Variants in MIPOL1 observed in about 807,000 individuals in gnomAD.
MIPOL1 encodes mirror-image polydactyly 1, also known as mirror-image polydactyly gene 1 protein.
Under a neutral mutation model 60.9 loss-of-function variants are expected in MIPOL1, and 57 were observed. The observed-to-expected ratio is 0.94, with a 90% CI of 0.76 to 1.17. The LOEUF (loss-of-function observed/expected upper bound fraction) is 1.17. Among genes scored for constraint, MIPOL1 ranks in the 50% most tolerant of loss-of-function variants. The probability of loss-of-function intolerance (pLI) is 0.00; values close to 1 mark genes in which losing one functional copy is unlikely to be tolerated. For synonymous variants in MIPOL1, 179 were observed against 168.8 expected, an observed-to-expected ratio of 1.06 and a Z score of -0.47; for missense variants, 551 against 511.6, an observed-to-expected ratio of 1.08 and a Z score of -0.74.
At chr14:37,423,020 A>G (rs896094014) in intron 11 of MIPOL1, 71 bp downstream of exon 11, 14 of 927,250 alleles carry the variant, frequency 1.5e-5, no homozygotes, top group African/African-American at 1.0e-4. Context: ...TGATTTTACA[A>G]TAGTGAATGA....
chr14:37,521,260 A>G (rs1052717566), intron 12 of MIPOL1, among the ~76,000 whole-genome samples: 20 of 152,136 alleles, frequency 1.3e-4, no homozygotes, highest in African/African-American at 4.6e-4. Flanking sequence ...AAATAAAACA[A>G]TAGAGCCTCT....
intron 9 of MIPOL1, among the ~76,000 whole-genome samples, chr14:37,341,489 A>G (rs2090569928): frequency 6.6e-6 from 1 of 152,234 alleles, no homozygotes. Context: ...TTAAAAGGTA[A>G]TAATTCTGTA....
intron 7 of MIPOL1, among the ~76,000 whole-genome samples, chr14:37,286,338 C>T (rs2084563549): frequency 6.6e-6 from 1 of 152,174 alleles, no homozygotes; most frequent in Non-Finnish European, 1.5e-5. Flanking sequence ...AATCTGACCA[C>T]TTGGGAGATC....
At chr14:37,250,446 C>T (rs1973901787) in intron 3 of MIPOL1, among the ~76,000 whole-genome samples, 1 of 152,068 alleles carries the variant, frequency 6.6e-6, no homozygotes, top group Non-Finnish European at 1.5e-5. Flanking sequence ...ACTCGGTAGT[C>T]TGAGGCAGGA....
Position 37,479,242 on chromosome 14 carries a change from C to T in MIPOL1, c.1032-20666C>T, listed in dbSNP as rs1191200422. Among the ~76,000 whole-genome samples, 3 of 152,120 alleles carry T rather than the reference C, an allele frequency of 2.0e-5. No individual in the cohort carries two copies. In the East Asian group the frequency reaches 5.8e-4, roughly 29 times the overall value. The stretch of plus-strand genomic sequence containing the variant: ...CATTCAGTCCAACAGGAACACAATA[C>T]ACATTCTTCTCAAGCACACATGGAA... On this transcript the variant is annotated intron_variant, in intron 11 of 12. Coordinates refer to ENST00000684589, the MANE Select transcript of MIPOL1 (RefSeq NM_001388067.1).
At chr14:37,423,216 T>C (rs2093906742) in intron 11 of MIPOL1, among the ~76,000 whole-genome samples, 1 of 151,564 alleles carries the variant, frequency 6.6e-6, no homozygotes, top group Non-Finnish European at 1.5e-5. Context: ...GAAGCCTGGA[T>C]AGCTGTTGAG....
intron 10 of MIPOL1, among the ~76,000 whole-genome samples, chr14:37,417,419 C>T (rs1248165409): frequency 1.3e-5 from 2 of 152,114 alleles, no homozygotes; most frequent in Non-Finnish European, 2.9e-5. Flanking sequence ...GACATGACAT[C>T]AGGACAAAAT....
At chr14:37,542,534 C>G (rs988808380) in intron 12 of MIPOL1, among the ~76,000 whole-genome samples, 1 of 152,042 alleles carries the variant, frequency 6.6e-6, no homozygotes, top group Non-Finnish European at 1.5e-5. Context: ...CTTTTTATAC[C>G]TGTGTGTTAT....
chr14:37,455,120 T>C (rs985840832), intron 11 of MIPOL1, among the ~76,000 whole-genome samples: 3 of 152,210 alleles, frequency 2.0e-5, no homozygotes, highest in African/African-American at 7.2e-5. Flanking sequence ...TGATATTTCA[T>C]GGTAAACCCA....
At chr14:37,440,496 A>G (rs2094225133) in intron 11 of MIPOL1, among the ~76,000 whole-genome samples, 1 of 151,936 alleles carries the variant, frequency 6.6e-6, no homozygotes, top group Non-Finnish European at 1.5e-5. Context: ...CACATTTTTT[A>G]GCACCCAGTT....
intron 11 of MIPOL1, among the ~76,000 whole-genome samples, chr14:37,437,416 T>A (rs951886724): frequency 9.2e-5 from 14 of 152,114 alleles, no homozygotes; most frequent in African/African-American, 3.4e-4. Context: ...AAAATAAAAA[T>A]TTTTGAAAAT....
intron 1 of MIPOL1, among the ~76,000 whole-genome samples, chr14:37,209,785 C>G (rs1279427036): frequency 6.6e-6 from 1 of 152,054 alleles, no homozygotes; most frequent in Non-Finnish European, 1.5e-5. Context: ...CTCACTGCAG[C>G]CTTGACCTCC....
At chr14:37,313,537 A>G (rs1050414831) in intron 9 of MIPOL1, among the ~76,000 whole-genome samples, 10 of 152,140 alleles carry the variant, frequency 6.6e-5, no homozygotes, top group African/African-American at 2.2e-4. Context: ...TGAATAAGTC[A>G]GGTATGAGAA....
chr14:37,200,665 T>TTG (rs1491509799), intron 1 of MIPOL1, among the ~76,000 whole-genome samples: 1 of 98,372 alleles, frequency 1.0e-5, no homozygotes, highest in African/African-American at 7.0e-5. Flanking sequence ...TCCCAGTTAG[T>TTG]TTTTTTTTTT....
At chr14:37,396,006 A>G (rs891225641) in intron 10 of MIPOL1, among the ~76,000 whole-genome samples, 1 of 151,638 alleles carries the variant, frequency 6.6e-6, no homozygotes, top group Admixed American at 6.6e-5. Flanking sequence ...ATTTACTTTC[A>G]ATGTTAGTAC....
At chr14:37,317,452 T>A (rs2088037556) in intron 9 of MIPOL1, among the ~76,000 whole-genome samples, 4 of 152,132 alleles carry the variant, frequency 2.6e-5, no homozygotes, top group Admixed American at 1.3e-4. Flanking sequence ...GTGTGAGTAG[T>A]GTGGTGTAGT....
intron 9 of MIPOL1, among the ~76,000 whole-genome samples, chr14:37,344,364 G>GT (rs1345974646): frequency 6.6e-6 from 1 of 151,630 alleles, no homozygotes; most frequent in East Asian, 1.9e-4. Flanking sequence ...GAGTTTTCCA[G>GT]TTTTTTCATT....
intron 6 of MIPOL1, among the ~76,000 whole-genome samples, chr14:37,275,719 T>C (rs1248594005): frequency 1.3e-5 from 2 of 151,214 alleles, no homozygotes; most frequent in Non-Finnish European, 3.0e-5. Flanking sequence ...TTTTGTGATA[T>C]TTAAAATATT....
intron 9 of MIPOL1, among the ~76,000 whole-genome samples, chr14:37,355,257 G>C (rs867525543): frequency 7.4e-6 from 1 of 135,256 alleles, no homozygotes; most frequent in Admixed American, 7.8e-5. Context: ...TGGCTTGTAG[G>C]GTTTCTGCTG....
Sources: gnomAD v4.1 joint callset for allele counts (sites outside exome capture counted in the v4.1 genomes callset) on GRCh38, gnomAD v4.1.1 for gene constraint, MANE v1.5 for transcripts, NCBI Gene and HGNC (gene_info 2026-07-23, HGNC 2026-07-21) for gene names.